The following CARD14 variants were observed in gnomAD, a reference collection of about 807,000 sequenced individuals.
The protein encoded by CARD14 is caspase recruitment domain family member 14.
CARD14 carries 107 observed loss-of-function variants against 111.5 expected under a neutral mutation model. The observed-to-expected ratio is 0.96, with a 90% confidence interval of 0.82 to 1.13. The LOEUF is 1.13. Ranked by LOEUF, CARD14 falls within the 50% of genes most tolerant of loss-of-function variation. CARD14 has a pLI of 0.00. For synonymous variants in CARD14, 617 were observed against 579.6 expected (o/e 1.06, Z -0.93); for missense variants, 1,322 against 1,362.3 (o/e 0.97, Z 0.47).
Position 80,195,139 on chromosome 17 carries a change from T to C in CARD14, c.1357-52T>C. ...ACACCGTGGGGGAGCAAGGGAGGAGTCTCAGGGTGTCCTCGTGCGTGCCCC... is the reference window on the plus strand; with the variant it reads ...ACACCGTGGGGGAGCAAGGGAGGAGCCTCAGGGTGTCCTCGTGCGTGCCCC... On this transcript the variant is annotated intron_variant, in intron 12 of 23. Transcript: ENST00000648509. This position sits in a 1 kb window ranked among gnomAD's most constrained non-coding sequence, Gnocchi z 4.7. 1 of 1,546,682 alleles carries C rather than the reference T, an allele frequency of 6.5e-7. No homozygotes were observed. The highest frequency in any genetic ancestry group is 1.2e-5 in the South Asian group (1 of 82,808).
chr17:80,188,543 T>A lies in CARD14; in HGVS notation c.842T>A (p.Leu281Gln), dbSNP rs781238013. 3 of 1,501,650 alleles carry A rather than the reference T, an allele frequency of 2.0e-6. No homozygotes were observed. The highest frequency in any genetic ancestry group is 2.7e-6 in the Non-Finnish European group (3 of 1,123,830). The allele number at this position is 1,501,650 out of a possible 1,614,324, so 93.0% of individuals were successfully genotyped here. The change falls in exon 8 of 24, where the codon CTG (leucine) becomes CAG (glutamine). Residue 281 changes from leucine to glutamine, a missense_variant and splice_region_variant. Coordinates refer to ENST00000648509, the MANE Select transcript of CARD14 (RefSeq NM_001366385.1). The surrounding 1 kb of genome is among the most constrained non-coding windows in gnomAD (Gnocchi z 4.5). ...AAACTGCGCTCGCTGACTTTCAGCC[T>A]GGTAGGTTCCGGTCCCCGCAGCAGA... ...NEKLRSLTFS[L>Q]AEKDILEQSL... is the part of the protein sequence containing the mutation.
At chr17:80,207,915 A>G (rs959589252) in intron 23 of CARD14, among the ~76,000 whole-genome samples, 1 of 152,024 alleles carries the variant, frequency 6.6e-6, no homozygotes, top group Non-Finnish European at 1.5e-5. Flanking sequence ...ACAGACCAAG[A>G]TGTCCTGCTA....
chr17:80,192,674 G>A (rs1211883562), intron 12 of CARD14, 55 bp downstream of exon 12: 5 of 1,331,734 alleles, frequency 3.8e-6, no homozygotes, highest in Non-Finnish European at 5.3e-6. Flanking sequence ...GCCAGCCCAG[G>A]GGCCTCTCTG....
Position 80,201,797 on chromosome 17 carries a change from C to T in CARD14, c.1905C>T (p.Thr635=). ...TCAAGGCAGTCCTGGAGGACACGAC[C>T]CTGGAGGAGGCCGTGGGGCTTCTCA... ...PLFKAVLEDT[T]LEEAVGLLRR... The change falls in exon 17 of 24, where the codon ACC becomes ACT. Residue 635 remains threonine, a synonymous_variant. Transcript: ENST00000648509. This position sits in a 1 kb window ranked among gnomAD's most constrained non-coding sequence, Gnocchi z 5.0. The T allele has an allele frequency of 1.2e-6, 2 of 1,613,996 alleles. No individual in the cohort carries two copies. Among genetic ancestry groups the T allele is most frequent in the South Asian group, 1.1e-5 (1 of 91,086 alleles).
chr17:80,183,828 C>CCACCTGCTCACCTGCT, intron 6 of CARD14, 85 bp from the exon 7 acceptor site: 1 of 1,140,442 alleles, frequency 8.8e-7, no homozygotes, highest in Non-Finnish European at 1.2e-6. Flanking sequence ...GCTCACCTGC[C>CCACCTGCTCACCTGCT]CACCTGCTCA....
intron 16 of CARD14, chr17:80,200,799 TG>T: frequency 6.4e-6 from 1 of 156,902 alleles, no homozygotes; most frequent in Non-Finnish European, 1.4e-5. Context: ...CGGTCCCATC[TG>T]GGGGTGATGG....
intron 7 of CARD14, chr17:80,187,913 C>T (rs925209569): frequency 1.0e-5 from 10 of 985,710 alleles, no homozygotes; most frequent in Admixed American, 6.1e-5. Flanking sequence ...GCCCCGGTCC[C>T]GCGTTCCCAG....
chr17:80,207,209 G>C, intron 23 of CARD14, 124 bp downstream of exon 23: 1 of 627,162 alleles, frequency 1.6e-6, no homozygotes, highest in South Asian at 2.0e-5. Flanking sequence ...TGACAGGGCC[G>C]TTTCCGCACA....
At chr17:80,192,235 A>G (rs2040552579) in intron 11 of CARD14, 1 of 350,110 alleles carries the variant, frequency 2.9e-6, no homozygotes, top group Non-Finnish European at 5.3e-6. Flanking sequence ...TGTATTATAC[A>G]TTATTCGTAA....
rs140275342 is a variant in CARD14, at chr17:80,205,249, T to A, written c.2569+44T>A. The A allele has an allele frequency of 3.1e-3, 4,624 of 1,493,708 alleles. 9 individuals are homozygous for A. The highest frequency in any genetic ancestry group is 3.7e-3 in the Non-Finnish European group (4,078 of 1,091,144). 92.5% of individuals were successfully genotyped at this position (1,493,708 alleles called of 1,614,324 possible). ...ATCCCTCTACCCCTTCCACCTTCCCTCCCTCCCTCCTCCCCTTCCTCCCTC... is the reference window on the plus strand; with the variant it reads ...ATCCCTCTACCCCTTCCACCTTCCCACCCTCCCTCCTCCCCTTCCTCCCTC... On this transcript the variant is annotated intron_variant, in intron 21 of 23. Coordinates refer to ENST00000648509, the MANE Select transcript of CARD14 (RefSeq NM_001366385.1).
chr17:80,209,203 C>T lies in CARD14; in HGVS notation c.*858C>T. 1 of 668,070 alleles carries T rather than the reference C, an allele frequency of 1.5e-6. No individual in the cohort carries two copies. The highest frequency in any genetic ancestry group is 1.9e-6 in the Non-Finnish European group (1 of 540,076). The allele number at this position is 668,070 out of a possible 1,614,324, so 41.4% of individuals were successfully genotyped here. A position where few individuals can be genotyped will look rare whatever the true frequency, so the allele number is the denominator to read the frequency against. ...CCCTGCCTCCTGGGGCTGTTGCAGA[C>T]TGAATGTCATTTTGACAGCAGTGTC... is the stretch of plus-strand genomic sequence containing the variant. On this transcript the variant is annotated 3_prime_UTR_variant, in exon 24 of 24. Transcript: ENST00000648509.
chr17:80,202,685 C>T (rs1374152350), intron 18 of CARD14: 14 of 1,181,304 alleles, frequency 1.2e-5, no homozygotes, highest in South Asian at 3.5e-5. Flanking sequence ...GTACCATGGA[C>T]GTTTGGGGCT....
In CARD14 at chr17:80,189,611, T is replaced by G; in HGVS notation, c.844-142T>G. 9.1e-7 allele frequency: 1 copy of G among 1,098,970 alleles called. No individual in the cohort carries two copies. Among genetic ancestry groups the G allele is most frequent in the Non-Finnish European group, 1.2e-6 (1 of 817,376 alleles). 68.1% of individuals were successfully genotyped at this position (1,098,970 alleles called of 1,614,324 possible). On this transcript the variant is annotated intron_variant, in intron 8 of 23. Transcript: ENST00000648509. The surrounding 1 kb of genome is among the most constrained non-coding windows in gnomAD (Gnocchi z 4.7). Reference sequence around the variant, plus strand: ...TGATGGGTGGCTTTTCCGTGGCTTCTCTCCTGCCCGGTGTAGAGTGGCAAG... The same window carrying G: ...TGATGGGTGGCTTTTCCGTGGCTTCGCTCCTGCCCGGTGTAGAGTGGCAAG...
At chr17:80,171,130 G>A (rs1025021490) in intron 1 of CARD14, among the ~76,000 whole-genome samples, 4 of 136,380 alleles carry the variant, frequency 2.9e-5, no homozygotes, top group African/African-American at 1.1e-4. Flanking sequence ...CGTGAGCCAC[G>A]GCTCCTGGCG....
At chr17:80,177,917 G>A (rs117477260) in intron 2 of CARD14, among the ~76,000 whole-genome samples, 3,375 of 152,188 alleles carry the variant, frequency 0.022, 62 homozygotes, top group Middle Eastern at 0.051. Context: ...GATTACGTTG[G>A]CAGAGACTTA....
intron 18 of CARD14, chr17:80,202,657 CTGGGTTTCTTAGCTT>C (rs766137418): frequency 2.6e-5 from 35 of 1,357,350 alleles, no homozygotes; most frequent in Middle Eastern, 2.8e-4. Context: ...TTTCTTAGCT[CTGGGTTTCTTAGCTT>C]TGGTACCATG....
In CARD14 at chr17:80,189,770, G is replaced by A. The variant is rs2144248401; in HGVS notation, c.861G>A (p.Leu287=). 13 of 1,584,280 alleles carry A rather than the reference G, an allele frequency of 8.2e-6. No individual in the cohort carries two copies. Among genetic ancestry groups the A allele is most frequent in the Non-Finnish European group, 8.6e-6 (10 of 1,168,892 alleles). The change falls in exon 9 of 24, where the codon CTG becomes CTA. Residue 287 remains leucine (L), a synonymous_variant. Coordinates refer to ENST00000648509, the MANE Select transcript of CARD14 (RefSeq NM_001366385.1). This position sits in a 1 kb window ranked among gnomAD's most constrained non-coding sequence, Gnocchi z 4.7. The part of the protein sequence containing the change: ...LTFSLAEKDI[L]EQSLDEARGS... ...TGCCCCAGGCGGAGAAGGACATTCTGGAGCAGAGCCTGGACGAGGCGCGGG... is the reference window on the plus strand; with the variant it reads ...TGCCCCAGGCGGAGAAGGACATTCTAGAGCAGAGCCTGGACGAGGCGCGGG...
chr17:80,170,250 G>C (rs935547781), intron 1 of CARD14, 194 bp downstream of exon 1: 7 of 152,234 alleles, frequency 4.6e-5, no homozygotes, highest in African/African-American at 1.7e-4. Context: ...CGGCTTGTCT[G>C]TGTTGCTGGG....
rs1178810641 is a variant in CARD14, at chr17:80,170,813, C to T, written c.-690+757C>T. On this transcript the variant is annotated intron_variant, in intron 1 of 23. Coordinates refer to ENST00000648509, the MANE Select transcript of CARD14 (RefSeq NM_001366385.1). ...CCCTCCCGTCCCCTCCCCTCCTCTC[C>T]CCTCCCCTCCTCTCCCCTCTCCTCC... is the stretch of plus-strand genomic sequence containing the variant. Among the ~76,000 whole-genome samples the T allele has an allele frequency of 1.1e-4, 11 of 102,104 alleles. No homozygotes were observed. In the East Asian group the frequency reaches 2.0e-3, roughly 19 times the overall value. The allele number at this position is 102,104 out of a possible 152,430, so 67.0% of individuals were successfully genotyped here.
Sources: allele counts gnomAD v4.1 joint callset (sites outside exome capture counted in the v4.1 genomes callset), GRCh38; gene constraint gnomAD v4.1.1; non-coding constraint Gnocchi (gnomAD v3.1); transcripts MANE v1.5; gene names NCBI Gene and HGNC (gene_info 2026-07-23, HGNC 2026-07-21).